Variants in OARD1 observed in about 807,000 individuals in gnomAD.
OARD1 encodes ADP-ribose glycohydrolase OARD1.
Under a neutral mutation model 19.7 loss-of-function variants are expected in OARD1, and 19 were observed. The ratio of observed to expected loss-of-function variants is 0.96; its 90% CI spans 0.67 to 1.41. The LOEUF is 1.41. Ranked by LOEUF, OARD1 falls within the 40% of genes most tolerant of loss-of-function variation. OARD1 has a pLI of 0.00. For missense variants in OARD1, 190 were observed against 183.8 expected (o/e 1.03, Z -0.20); for synonymous variants, 70 against 61.8 (o/e 1.13, Z -0.62).
intron 1 of OARD1, among the ~76,000 whole-genome samples, chr6:41,082,788 G>A (rs1251087382): frequency 6.6e-6 from 1 of 152,154 alleles, no homozygotes; most frequent in Non-Finnish European, 1.5e-5. Flanking sequence ...ATTTGGAATG[G>A]GGAAATAAGG....
At chr6:41,097,260 A>G (rs775128730) in intron 1 of OARD1, 4 of 1,096,408 alleles carry the variant, frequency 3.6e-6, no homozygotes, top group Non-Finnish European at 5.5e-6. Context: ...TACTTGGTAA[A>G]GTTATGTGTA....
Position 41,067,431 on chromosome 6 carries a change from T to C in OARD1, c.363A>G (p.Gly121=). 3 of 1,611,496 alleles carry C rather than the reference T, an allele frequency of 1.9e-6. No homozygotes were observed. Among genetic ancestry groups the C allele is most frequent in the Non-Finnish European group, 2.5e-6 (3 of 1,177,944 alleles). ...CCCATTGCAGACGATCAAGACCACA[T>C]CCAATCCTGAAAAAGACAAAATATC... ...GVTDLSMPRI[G]CGLDRLQWEN... Residue 121 remains glycine, a synonymous_variant, in exon 6 of 6, where the codon GGA becomes GGG. Transcript: ENST00000424266.
rs80005373 is a variant in OARD1, at chr6:41,067,804, A to G, written c.357-367T>C. On this transcript the variant is annotated intron_variant, in intron 5 of 5. Coordinates refer to ENST00000424266, the MANE Select transcript of OARD1 (RefSeq NM_001329686.2). ...AGGTTGGTATTTTAAAAATGCACTTATGGTAACAGAATGTTAACGAAAGTA... is the reference window on the plus strand; with the variant it reads ...AGGTTGGTATTTTAAAAATGCACTTGTGGTAACAGAATGTTAACGAAAGTA... Among the ~76,000 whole-genome samples, 590 of 152,342 alleles carry G rather than the reference A, an allele frequency of 3.9e-3. 11 individuals are homozygous for G. In the South Asian group the frequency reaches 0.061, roughly 16 times the overall value.
chr6:41,091,662 G>T, intron 1 of OARD1: 1 of 1,614,178 alleles, frequency 6.2e-7, no homozygotes, highest in Non-Finnish European at 8.5e-7. Flanking sequence ...ACCAGTGGCA[G>T]GCAATGTGGT....
chr6:41,097,703 A>C lies in OARD1; in HGVS notation c.-42+10T>G. The C allele has an allele frequency of 1.3e-5, 4 of 307,874 alleles. No homozygotes were observed. In the South Asian group the frequency reaches 1.7e-4, roughly 13 times the overall value. 19.1% of individuals were successfully genotyped at this position (307,874 alleles called of 1,614,324 possible). A position where few individuals can be genotyped will look rare whatever the true frequency, so the allele number is the denominator to read the frequency against. ...ACACATGCCACCCCAGCAGTACACA[A>C]AGCACTTACCTTGACTGGTGAAGTC... On this transcript the variant is annotated intron_variant, in intron 1 of 4. Transcript: ENST00000480585.
At chr6:41,070,680 G>A (rs532653009) in intron 3 of OARD1, 37 of 258,324 alleles carry the variant, frequency 1.4e-4, no homozygotes, top group Non-Finnish European at 2.5e-4. Context: ...GTTAAGCCTG[G>A]AATGTGGTCG....
Position 41,065,034 on chromosome 6 carries a change from G to A in OARD1, c.*2301C>T, listed in dbSNP as rs769637038. 6.6e-6 allele frequency: 1 copy of A among 151,846 alleles called. No individual in the cohort carries two copies. The highest frequency in any genetic ancestry group is 1.5e-5 in the Non-Finnish European group (1 of 67,984). The allele number at this position is 151,846 out of a possible 1,614,324, so 9.4% of individuals were successfully genotyped here. ...ATAATGTGTTCACTCTGATTACCAG[G>A]GCATGCCTCCTTTCCTCAGGCTTCA... On this transcript the variant is annotated 3_prime_UTR_variant, in exon 6 of 6. Transcript: ENST00000424266.
intron 5 of OARD1, among the ~76,000 whole-genome samples, chr6:41,067,886 G>A (rs563081953): frequency 6.6e-6 from 1 of 152,154 alleles, no homozygotes; most frequent in Non-Finnish European, 1.5e-5. Flanking sequence ...AGGGAATGCT[G>A]GGAAATGGTA....
chr6:41,088,676 C>A (rs1764114718), intron 1 of OARD1, among the ~76,000 whole-genome samples: 1 of 151,792 alleles, frequency 6.6e-6, no homozygotes, highest in East Asian at 2.0e-4. Context: ...CCTCTGCCTC[C>A]CAGGCTCAAA....
At chr6:41,096,227 A>T (rs1048211511) in intron 1 of OARD1, among the ~76,000 whole-genome samples, 1 of 152,194 alleles carries the variant, frequency 6.6e-6, no homozygotes, top group South Asian at 2.1e-4. Flanking sequence ...CAATCAAACT[A>T]GGTTTCCTCA....
chr6:41,071,448 C>CT, intron 2 of OARD1, 148 bp downstream of exon 2: 1 of 978,554 alleles, frequency 1.0e-6, no homozygotes, highest in South Asian at 1.5e-5. Flanking sequence ...TGGATGATCC[C>CT]TGCCTAGAAT....
In OARD1 at chr6:41,071,827, T is replaced by C. The variant is rs930555641; in HGVS notation, c.-41-152A>G. On this transcript the variant is annotated intron_variant, in intron 1 of 5. Coordinates refer to ENST00000424266, the MANE Select transcript of OARD1 (RefSeq NM_001329686.2). ...CCCCTGGGACGTAATACAAAACCCT[T>C]CTGGGGCAAAGAGGAAGAACGCTTA... 1.1e-5 allele frequency: 6 copies of C among 561,818 alleles called. No homozygotes were observed. The South Asian group carries it at 1.2e-4, about 11-fold the overall frequency. 34.8% of individuals were successfully genotyped at this position (561,818 alleles called of 1,614,324 possible).
At chr6:41,087,118 G>A (rs375002461) in intron 1 of OARD1, among the ~76,000 whole-genome samples, 3 of 152,096 alleles carry the variant, frequency 2.0e-5, no homozygotes, top group East Asian at 1.9e-4. Context: ...GAAAATGGGC[G>A]AAGAATATGA....
At chr6:41,082,204 AGTGTT>A (rs1392852636) in intron 1 of OARD1, among the ~76,000 whole-genome samples, 1 of 152,182 alleles carries the variant, frequency 6.6e-6, no homozygotes, top group African/African-American at 2.4e-5. Flanking sequence ...TGCCACCAAT[AGTGTT>A]TGGTAATGAT....
upstream of OARD1, chr6:41,075,233 C>T (rs969380986): frequency 6.6e-6 from 1 of 152,178 alleles, no homozygotes; most frequent in African/African-American, 2.4e-5. Flanking sequence ...GTCATCCAGG[C>T]TGGAGTACAG....
At chr6:41,092,765 T>C in intron 1 of OARD1, 1 of 681,122 alleles carries the variant, frequency 1.5e-6, no homozygotes, top group Non-Finnish European at 2.4e-6. Context: ...TAGTATAAAT[T>C]TCTCCAGGGA....
intron 1 of OARD1, among the ~76,000 whole-genome samples, chr6:41,083,882 T>A (rs1763974366): frequency 6.6e-6 from 1 of 152,274 alleles, no homozygotes; most frequent in African/African-American, 2.4e-5. Flanking sequence ...ACAGGATTCA[T>A]AGATATTTAA....
intron 1 of OARD1, among the ~76,000 whole-genome samples, chr6:41,088,692 C>G (rs1764115324): frequency 1.3e-5 from 2 of 151,826 alleles, no homozygotes; most frequent in Non-Finnish European, 2.9e-5. Flanking sequence ...TCAAATGATC[C>G]TCCCACCTCA....
At chr6:41,081,709 A>C (rs889554335) in intron 1 of OARD1, among the ~76,000 whole-genome samples, 2 of 150,356 alleles carry the variant, frequency 1.3e-5, no homozygotes, top group African/African-American at 5.0e-5. Context: ...AATCTTGTTA[A>C]TCTCTTGTTA....
Sources: allele counts gnomAD v4.1 joint callset (sites outside exome capture counted in the v4.1 genomes callset), GRCh38; gene constraint gnomAD v4.1.1; transcripts MANE v1.5; gene names NCBI Gene and HGNC (gene_info 2026-07-23, HGNC 2026-07-21).